The following NET1 variants were observed in gnomAD, a reference collection of about 807,000 sequenced individuals.
NET1 encodes neuroepithelial cell transforming 1.
Under a neutral mutation model 61.1 loss-of-function variants are expected in NET1, and 42 were observed. That is an observed-to-expected ratio of 0.69 (90% CI 0.54 to 0.89). NET1 has a LOEUF of 0.89. Ranked by LOEUF, NET1 falls within the 40% of genes least tolerant of loss-of-function variation. The pLI, the probability that NET1 is intolerant of heterozygous loss-of-function variation, is 0.00. For synonymous variants in NET1, 254 were observed against 281.8 expected, an observed-to-expected ratio of 0.90 and a Z score of 0.99; for missense variants, 654 against 747.3, an observed-to-expected ratio of 0.88 and a Z score of 1.46.
chr10:5,453,832 TG>T lies in NET1; in HGVS notation c.768+273del, dbSNP rs1250310502. Among the ~76,000 whole-genome samples the T allele has an allele frequency of 1.2e-4, 18 of 152,314 alleles. 1 individual carries two copies. The highest frequency in any genetic ancestry group is 3.8e-4 in the African/African-American group (16 of 41,578). On this transcript the variant is annotated intron_variant, in intron 8 of 11. Coordinates refer to ENST00000355029, the MANE Select transcript of NET1 (RefSeq NM_001047160.3). This position sits in a 1 kb window ranked among gnomAD's most constrained non-coding sequence, Gnocchi z 4.9. ...TCATGTGTGATTATCCGTTGCATTC[TG>T]TCATGTATGTTTAAGCGCATGCCAA...
At position 5,456,975 on chromosome 10, in the gene NET1, G is replaced by A. The variant is rs149626244; in HGVS notation, c.1772G>A (p.Arg591Gln). ...ARDKALSGGKRKETLV is the reference protein window; with the variant it reads ...ARDKALSGGKQKETLV ...GACAAAGCCCTTTCTGGTGGCAAACGGAAAGAGACTTTGGTGTAGAGAAGG... is the reference window on the plus strand; with the variant it reads ...GACAAAGCCCTTTCTGGTGGCAAACAGAAAGAGACTTTGGTGTAGAGAAGG... Residue 591 changes from arginine to glutamine, a missense_variant, in exon 12 of 12, where the codon CGG (arginine) becomes CAG (glutamine). Physicochemically the swap from Arg to Gln is conservative, Grantham distance 43. Coordinates refer to ENST00000355029, the MANE Select transcript of NET1 (RefSeq NM_001047160.3). This position sits in a 1 kb window ranked among gnomAD's most constrained non-coding sequence, Gnocchi z 7.0. 9.1e-5 allele frequency: 142 copies of A among 1,564,230 alleles called. No homozygotes were observed. The highest frequency in any genetic ancestry group is 1.1e-4 in the Non-Finnish European group (128 of 1,154,724).
chr10:5,436,398 C>T (rs1487339094), intron 3 of NET1, among the ~76,000 whole-genome samples: 3 of 148,580 alleles, frequency 2.0e-5, no homozygotes, highest in East Asian at 2.0e-4. Flanking sequence ...CCCAAGTAGC[C>T]GGGTTAATTT....
Position 5,416,284 on chromosome 10 carries a change from T to G in NET1, c.128+3464T>G, listed in dbSNP as rs987971416. Among the ~76,000 whole-genome samples the G allele has an allele frequency of 6.6e-6, 1 of 152,254 alleles. No individual in the cohort carries two copies. The highest frequency in any genetic ancestry group is 1.5e-5 in the Non-Finnish European group (1 of 68,042). On this transcript the variant is annotated intron_variant, in intron 1 of 11. Coordinates refer to ENST00000355029, the MANE Select transcript of NET1 (RefSeq NM_001047160.3). This position sits in a 1 kb window ranked among gnomAD's most constrained non-coding sequence, Gnocchi z 6.1. ...GCCCTATGCCATTACCATGGTGTTT[T>G]GATTACCGTTGCTTTGTATAGTAAG...
rs991035717 is a variant in NET1, at chr10:5,420,837, G to A, written c.129-5818G>A. Reference sequence around the variant, plus strand: ...TTTTGATCTCCTGACCTCGTGAACCGCCCACCTTGACCTCCCAAAGTGCTG... The same window carrying A: ...TTTTGATCTCCTGACCTCGTGAACCACCCACCTTGACCTCCCAAAGTGCTG... On this transcript the variant is annotated intron_variant, in intron 1 of 11. Coordinates refer to ENST00000355029, the MANE Select transcript of NET1 (RefSeq NM_001047160.3). The surrounding 1 kb of genome is among the most constrained non-coding windows in gnomAD (Gnocchi z 5.3). 4.6e-5 allele frequency among the ~76,000 whole-genome samples: 7 copies of A among 152,010 alleles called. No homozygotes were observed. Among genetic ancestry groups the A allele is most frequent in the Admixed American group, 3.9e-4 (6 of 15,250 alleles).
At chr10:5,429,554 G>A (rs1588427967) in intron 3 of NET1, among the ~76,000 whole-genome samples, 2 of 152,082 alleles carry the variant, frequency 1.3e-5, no homozygotes, top group African/African-American at 4.8e-5. Context: ...AGAGCCCCAG[G>A]TTCTAGCCCA....
At position 5,435,597 on chromosome 10, in the gene NET1, T is replaced by C. The variant is rs1238300051; in HGVS notation, c.255+6368T>C. On this transcript the variant is annotated intron_variant, in intron 3 of 11. Transcript: ENST00000355029. This position sits in a 1 kb window ranked among gnomAD's most constrained non-coding sequence, Gnocchi z 5.0. ...ACTCCGTAAATATTGAATTAATGAA[T>C]GAAATATTAATAATACAGGTCAAAT... Among the ~76,000 whole-genome samples, 3 of 152,142 alleles carry C rather than the reference T, an allele frequency of 2.0e-5. No individual in the cohort carries two copies. Among genetic ancestry groups the C allele is most frequent in the Non-Finnish European group, 4.4e-5 (3 of 68,018 alleles).
rs529708378 is a variant in NET1 at position 5,444,421 on chromosome 10, C to G, written c.256-7409C>G. On this transcript the variant is annotated intron_variant, in intron 3 of 11. Coordinates refer to ENST00000355029, the MANE Select transcript of NET1 (RefSeq NM_001047160.3). The surrounding 1 kb of genome is among the most constrained non-coding windows in gnomAD (Gnocchi z 5.3). Reference sequence around the variant, plus strand: ...ATTTGTCTTTATAAATAGTCTGCACCCACTATTCTTCTGTATTCACTCTTC... The same window carrying G: ...ATTTGTCTTTATAAATAGTCTGCACGCACTATTCTTCTGTATTCACTCTTC... Among the ~76,000 whole-genome samples the G allele has an allele frequency of 6.6e-6, 1 of 152,220 alleles. No homozygotes were observed. The highest frequency in any genetic ancestry group is 2.4e-5 in the African/African-American group (1 of 41,528).
chr10:5,442,906 A>G (rs1296210720), intron 3 of NET1, among the ~76,000 whole-genome samples: 1 of 151,936 alleles, frequency 6.6e-6, no homozygotes, highest in Non-Finnish European at 1.5e-5. Flanking sequence ...AGAAAGAAAA[A>G]AACTCTTCTA....
rs2119199427 is a variant in NET1 at position 5,443,085 on chromosome 10, T to G, written c.256-8745T>G. On this transcript the variant is annotated intron_variant, in intron 3 of 11. Coordinates refer to ENST00000355029, the MANE Select transcript of NET1 (RefSeq NM_001047160.3). This position sits in a 1 kb window ranked among gnomAD's most constrained non-coding sequence, Gnocchi z 4.8. ...CCTGGGACTCAGGAGACTTTGGTTT[T>G]AAACTTAGGTCTACTGTTAACTTAG... Among the ~76,000 whole-genome samples the G allele has an allele frequency of 6.6e-6, 1 of 152,316 alleles. No homozygotes were observed. The highest frequency in any genetic ancestry group is 1.9e-4 in the East Asian group (1 of 5,184).
chr10:5,456,434 GTA>G lies in NET1; in HGVS notation c.1385-152_1385-151del, dbSNP rs776738317. On this transcript the variant is annotated intron_variant, in intron 11 of 11. Transcript: ENST00000355029. The surrounding 1 kb of genome is among the most constrained non-coding windows in gnomAD (Gnocchi z 7.0). ...CTTCCCAGCTCGAACACCCGCAGGT[GTA>G]TCTAAGAAATAATGCATAGGCTTAA... 1.6e-3 allele frequency: 1,675 copies of G among 1,015,446 alleles called. 7 individuals are homozygous for G. Among genetic ancestry groups the G allele is most frequent in the Middle Eastern group, 0.01 (31 of 3,100 alleles). 62.9% of individuals were successfully genotyped at this position (1,015,446 alleles called of 1,614,324 possible). A position where few individuals can be genotyped will look rare whatever the true frequency, so the allele number is the denominator to read the frequency against.
In NET1 at chr10:5,446,961, A is replaced by G. The variant is rs1352633146; in HGVS notation, c.256-4869A>G. On this transcript the variant is annotated intron_variant, in intron 3 of 11. Transcript: ENST00000355029. This position sits in a 1 kb window ranked among gnomAD's most constrained non-coding sequence, Gnocchi z 5.0. ...TTAACAGTATAATTTTAAACTTTTGATCTTATTATTACAATGTATGTTCTT... is the reference window on the plus strand; with the variant it reads ...TTAACAGTATAATTTTAAACTTTTGGTCTTATTATTACAATGTATGTTCTT... 9.6e-6 allele frequency: 8 copies of G among 832,970 alleles called. No individual in the cohort carries two copies. The East Asian group carries it at 1.4e-4, about 14-fold the overall frequency. 51.6% of individuals were successfully genotyped at this position (832,970 alleles called of 1,614,324 possible).
intron 1 of NET1, among the ~76,000 whole-genome samples, chr10:5,425,254 C>T (rs1475747358): frequency 2.7e-5 from 2 of 75,284 alleles, no homozygotes; most frequent in Non-Finnish European, 5.4e-5. Flanking sequence ...TGTTCCTTGT[C>T]GGAAAAAAAA....
chr10:5,414,189 A>G (rs896946419), intron 1 of NET1, among the ~76,000 whole-genome samples: 5 of 152,158 alleles, frequency 3.3e-5, no homozygotes, highest in Non-Finnish European at 7.3e-5. Context: ...CAATATGGGG[A>G]GAAGGAGGAG....
chr10:5,451,740 T>C lies in NET1; in HGVS notation c.256-90T>C. 1.1e-6 allele frequency: 1 copy of C among 870,802 alleles called. No individual in the cohort carries two copies. Among genetic ancestry groups the C allele is most frequent in the South Asian group, 1.9e-5 (1 of 52,810 alleles). The allele number at this position is 870,802 out of a possible 1,614,324, so 53.9% of individuals were successfully genotyped here. A position where few individuals can be genotyped will look rare whatever the true frequency, so the allele number is the denominator to read the frequency against. Reference sequence around the variant, plus strand: ...TCTGTATTTTATAATGTACAAAAATTGTTTTGTGAGAGGGCTTTACTTTGT... The same window carrying C: ...TCTGTATTTTATAATGTACAAAAATCGTTTTGTGAGAGGGCTTTACTTTGT... On this transcript the variant is annotated intron_variant, in intron 3 of 11. Transcript: ENST00000355029. This position sits in a 1 kb window ranked among gnomAD's most constrained non-coding sequence, Gnocchi z 6.1.
In NET1 at chr10:5,446,640, T is replaced by G. The variant is rs776043324; in HGVS notation, c.256-5190T>G. 3 of 1,292,284 alleles carry G rather than the reference T, an allele frequency of 2.3e-6. No homozygotes were observed. Among genetic ancestry groups the G allele is most frequent in the South Asian group, 2.7e-5 (1 of 37,020 alleles). The allele number at this position is 1,292,284 out of a possible 1,614,324, so 80.1% of individuals were successfully genotyped here. A position where few individuals can be genotyped will look rare whatever the true frequency, so the allele number is the denominator to read the frequency against. ...CTCTGCTCCACCGCGGCGAGAGGCA[T>G]GGGCACGTGGCTGCCGAGGGTGGCC... is the stretch of plus-strand genomic sequence containing the variant. On this transcript the variant is annotated intron_variant, in intron 3 of 11. Coordinates refer to ENST00000355029, the MANE Select transcript of NET1 (RefSeq NM_001047160.3). This position sits in a 1 kb window ranked among gnomAD's most constrained non-coding sequence, Gnocchi z 5.0.
chr10:5,457,712 A>ATGTG lies in NET1; in HGVS notation c.*732_*735dup, dbSNP rs144365462. On this transcript the variant is annotated 3_prime_UTR_variant, in exon 12 of 12. Transcript: ENST00000355029. The surrounding 1 kb of genome is among the most constrained non-coding windows in gnomAD (Gnocchi z 5.4). ...TCTTCCTGATTAAAAATGTGTGTGTATGTGTGTGTGTGTGTGTATATATAT... is the reference window on the plus strand; with the variant it reads ...TCTTCCTGATTAAAAATGTGTGTGTATGTGTGTGTGTGTGTGTGTGTATATATAT... The ATGTG allele has an allele frequency of 9.2e-3, 1,382 of 150,814 alleles. 13 individuals are homozygous for ATGTG. The highest frequency in any genetic ancestry group is 0.013 in the Non-Finnish European group (901 of 67,472). The allele number at this position is 150,814 out of a possible 1,614,324, so 9.3% of individuals were successfully genotyped here.
Position 5,415,813 on chromosome 10 carries a change from A to G in NET1, c.128+2993A>G, listed in dbSNP as rs766090438. On this transcript the variant is annotated intron_variant, in intron 1 of 11. Coordinates refer to ENST00000355029, the MANE Select transcript of NET1 (RefSeq NM_001047160.3). This position sits in a 1 kb window ranked among gnomAD's most constrained non-coding sequence, Gnocchi z 4.7. ...TCTGGATACAAGTCCCTTATCAGATAGATTATTTGCAAATATTTTCTCTTA... is the reference window on the plus strand; with the variant it reads ...TCTGGATACAAGTCCCTTATCAGATGGATTATTTGCAAATATTTTCTCTTA... Among the ~76,000 whole-genome samples the G allele has an allele frequency of 6.6e-5, 10 of 152,154 alleles. No homozygotes were observed. The highest frequency in any genetic ancestry group is 1.3e-4 in the Non-Finnish European group (9 of 68,040).
chr10:5,449,574 C>T lies in NET1; in HGVS notation c.256-2256C>T, dbSNP rs922314540. Reference sequence around the variant, plus strand: ...AGACCACATCAACAAAACCCGTGTTCGTTTCAGAAGTATGCTTTAGATATA... The same window carrying T: ...AGACCACATCAACAAAACCCGTGTTTGTTTCAGAAGTATGCTTTAGATATA... On this transcript the variant is annotated intron_variant, in intron 3 of 11. Coordinates refer to ENST00000355029, the MANE Select transcript of NET1 (RefSeq NM_001047160.3). This position sits in a 1 kb window ranked among gnomAD's most constrained non-coding sequence, Gnocchi z 4.4. 6.6e-5 allele frequency among the ~76,000 whole-genome samples: 10 copies of T among 152,158 alleles called. No homozygotes were observed. The highest frequency in any genetic ancestry group is 2.0e-4 in the Admixed American group (3 of 15,284).
In NET1 at chr10:5,412,941, A is replaced by T; in HGVS notation, c.128+121A>T. On this transcript the variant is annotated intron_variant, in intron 1 of 11. Coordinates refer to ENST00000355029, the MANE Select transcript of NET1 (RefSeq NM_001047160.3). The surrounding 1 kb of genome is among the most constrained non-coding windows in gnomAD (Gnocchi z 6.5). ...GAGGGGAGGGCTGGCCGGGAGTTGG[A>T]TGTGGGGGGCGGCGAGTGGGGGTGT... The T allele has an allele frequency of 8.0e-6, 2 of 248,814 alleles. No homozygotes were observed. The highest frequency in any genetic ancestry group is 1.4e-4 in the South Asian group (1 of 7,094). 15.4% of individuals were successfully genotyped at this position (248,814 alleles called of 1,614,324 possible).
Sources: gnomAD v4.1 joint callset for allele counts (sites outside exome capture counted in the v4.1 genomes callset) on GRCh38, gnomAD v4.1.1 for gene constraint, Gnocchi (gnomAD v3.1) non-coding constraint, MANE v1.5 for transcripts, NCBI Gene and HGNC (gene_info 2026-07-23, HGNC 2026-07-21) for gene names.